Variants in VEPH1 observed in about 807,000 individuals in gnomAD.
VEPH1 encodes ventricular zone-expressed PH domain-containing protein homolog 1.
VEPH1 carries 80 observed loss-of-function variants against 85.2 expected under a neutral mutation model. The ratio of observed to expected loss-of-function variants is 0.94; its 90% CI spans 0.78 to 1.13. The LOEUF (loss-of-function observed/expected upper bound fraction) is 1.13. Among genes scored for constraint, VEPH1 ranks in the 50% most tolerant of loss-of-function variants. VEPH1 has a pLI of 0.00. For synonymous variants in VEPH1, 297 were observed against 348.0 expected, an observed-to-expected ratio of 0.85 and a Z score of 1.63; for missense variants, 955 against 980.5, an observed-to-expected ratio of 0.97 and a Z score of 0.35.
chr3:157,409,746 A>C lies in VEPH1; in HGVS notation c.906+4135T>G, dbSNP rs890445320. 5 of 985,396 alleles carry C rather than the reference A, an allele frequency of 5.1e-6. No individual in the cohort carries two copies. The South Asian group carries it at 2.3e-4, about 46-fold the overall frequency. 61.0% of individuals were successfully genotyped at this position (985,396 alleles called of 1,614,324 possible). Reference sequence around the variant, plus strand: ...GTCATTTCCCAGTAGCCAGCCCTGCAGTTCTTACACCTGGCTTTATGCAAG... The same window carrying C: ...GTCATTTCCCAGTAGCCAGCCCTGCCGTTCTTACACCTGGCTTTATGCAAG... On this transcript the variant is annotated intron_variant, in intron 6 of 13. Transcript: ENST00000362010.
At chr3:157,488,930 C>CTCTG in intron 2 of VEPH1, 1 of 239,868 alleles carries the variant, frequency 4.2e-6, no homozygotes, top group East Asian at 1.2e-4. Context: ...CTCTCTCTCT[C>CTCTG]TCTCTCTCTC....
At chr3:157,278,186 G>A (rs1715636318) in intron 12 of VEPH1, among the ~76,000 whole-genome samples, 1 of 152,194 alleles carries the variant, frequency 6.6e-6, no homozygotes, top group South Asian at 2.1e-4. Context: ...GAAGTTTGGG[G>A]TGCTTTGAGG....
chr3:157,331,362 A>C (rs1386838481), intron 9 of VEPH1, among the ~76,000 whole-genome samples: 1 of 152,168 alleles, frequency 6.6e-6, no homozygotes. Flanking sequence ...CTGACATTCT[A>C]TTCTAGTTAG....
intron 4 of VEPH1, among the ~76,000 whole-genome samples, chr3:157,449,833 T>A (rs1337508753): frequency 6.6e-6 from 1 of 152,082 alleles, no homozygotes; most frequent in African/African-American, 2.4e-5. Context: ...CTTATTTAAT[T>A]GCTTTCAATA....
chr3:157,389,586 C>T (rs1021723564), intron 6 of VEPH1, among the ~76,000 whole-genome samples: 2 of 151,410 alleles, frequency 1.3e-5, no homozygotes, highest in African/African-American at 4.9e-5. Flanking sequence ...TATAAAATCA[C>T]AGAGCTGGAT....
At chr3:157,306,989 C>T (rs564623378) in intron 11 of VEPH1, among the ~76,000 whole-genome samples, 258 of 152,118 alleles carry the variant, frequency 1.7e-3, no homozygotes, top group Non-Finnish European at 2.9e-3. Flanking sequence ...ATAATGGCCT[C>T]CTGCTCCAGC....
intron 9 of VEPH1, among the ~76,000 whole-genome samples, chr3:157,324,851 C>T (rs992296500): frequency 2.6e-5 from 4 of 151,874 alleles, no homozygotes; most frequent in Admixed American, 6.6e-5. Flanking sequence ...GGGCATATAC[C>T]CAGTAATGGG....
chr3:157,357,768 T>C (rs535689076), intron 9 of VEPH1, among the ~76,000 whole-genome samples: 1 of 152,322 alleles, frequency 6.6e-6, no homozygotes, highest in East Asian at 1.9e-4. Context: ...GTTGGGATTA[T>C]GTAATAGGCA....
intron 11 of VEPH1, among the ~76,000 whole-genome samples, chr3:157,298,775 A>G (rs1046831010): frequency 6.6e-6 from 1 of 152,226 alleles, no homozygotes; most frequent in African/African-American, 2.4e-5. Context: ...GATTCTAGGA[A>G]ATAGTTTTTT....
intron 5 of VEPH1, among the ~76,000 whole-genome samples, chr3:157,425,355 C>T (rs538394074): frequency 6.6e-6 from 1 of 152,178 alleles, no homozygotes; most frequent in African/African-American, 2.4e-5. Flanking sequence ...AACGTGGGGT[C>T]AGAGCCTCCA....
intron 6 of VEPH1, among the ~76,000 whole-genome samples, chr3:157,391,418 G>A (rs1729843910): frequency 6.6e-6 from 1 of 152,214 alleles, no homozygotes; most frequent in Non-Finnish European, 1.5e-5. Context: ...GAGGCTCTTG[G>A]AGATATTCTG....
At position 157,486,101 on chromosome 3, in the gene VEPH1, AAG is replaced by A. The variant is rs140981990; in HGVS notation, c.138+9109_138+9110del. Among the ~76,000 whole-genome samples, 1,093 of 152,352 alleles carry A rather than the reference AAG, an allele frequency of 7.2e-3. 15 individuals are homozygous for A. The highest frequency in any genetic ancestry group is 0.025 in the African/African-American group (1,046 of 41,582). On this transcript the variant is annotated intron_variant, in intron 2 of 13. Coordinates refer to ENST00000362010, the MANE Select transcript of VEPH1 (RefSeq NM_001167912.2). ...ACAAAATTTGAACAATATCATTAAC[AAG>A]AGTTATTTAATCAACATATTTAATA...
chr3:157,384,969 AT>A (rs1729137377), intron 6 of VEPH1, among the ~76,000 whole-genome samples: 1 of 152,182 alleles, frequency 6.6e-6, no homozygotes, highest in Admixed American at 6.5e-5. Context: ...ACACAAATTC[AT>A]TGTTTATTAT....
At chr3:157,416,643 T>G (rs573604974) in intron 5 of VEPH1, among the ~76,000 whole-genome samples, 12 of 152,328 alleles carry the variant, frequency 7.9e-5, no homozygotes, top group Non-Finnish European at 1.8e-4. Flanking sequence ...CCAAGGTCTT[T>G]GTGACATGTG....
At chr3:157,284,608 T>TA in intron 12 of VEPH1, among the ~76,000 whole-genome samples, 1 of 148,562 alleles carries the variant, frequency 6.7e-6, no homozygotes, top group East Asian at 2.0e-4. Context: ...AGTGCTTATA[T>TA]AAAAAAGAAG....
chr3:157,500,050 A>C (rs1043368840), intron 1 of VEPH1, among the ~76,000 whole-genome samples: 1 of 152,220 alleles, frequency 6.6e-6, no homozygotes, highest in African/African-American at 2.4e-5. Flanking sequence ...ACTTCACAAC[A>C]TACGTACTCT....
intron 2 of VEPH1, among the ~76,000 whole-genome samples, chr3:157,479,642 G>C (rs1217626999): frequency 1.3e-5 from 2 of 152,200 alleles, no homozygotes; most frequent in African/African-American, 2.4e-5. Flanking sequence ...CCTTCCTTTA[G>C]AGGCTGCATA....
At chr3:157,264,215 G>A (rs1407688984) in intron 13 of VEPH1, among the ~76,000 whole-genome samples, 1 of 152,182 alleles carries the variant, frequency 6.6e-6, no homozygotes, top group Non-Finnish European at 1.5e-5. Flanking sequence ...TGGTTTTGGG[G>A]CCTTCAGACT....
At chr3:157,409,646 G>T (rs967775020) in intron 6 of VEPH1, 1 of 985,304 alleles carries the variant, frequency 1.0e-6, no homozygotes, top group African/African-American at 1.7e-5. Flanking sequence ...TGGAAAAATT[G>T]TGATGCTGCT....
Sources: gnomAD v4.1 joint callset for allele counts (sites outside exome capture counted in the v4.1 genomes callset) on GRCh38, gnomAD v4.1.1 for gene constraint, MANE v1.5 for transcripts, NCBI Gene and HGNC (gene_info 2026-07-23, HGNC 2026-07-21) for gene names.